PPM1L: variants seen among roughly 807,000 people sequenced by gnomAD.
PPM1L encodes the protein protein phosphatase 1L.
PPM1L carries 13 observed loss-of-function variants against 31.4 expected under a neutral mutation model. The observed-to-expected ratio is 0.41, with a 90% CI of 0.27 to 0.66. PPM1L has a LOEUF of 0.66. Ranked by LOEUF, PPM1L falls within the 30% of genes least tolerant of loss-of-function variation. The probability of loss-of-function intolerance (pLI) is 0.29; values close to 1 mark genes in which losing one functional copy is unlikely to be tolerated. For synonymous variants in PPM1L, 184 were observed against 175.4 expected (o/e 1.05, Z -0.39); for missense variants, 326 against 453.7 (o/e 0.72, Z 2.56).
intron 2 of PPM1L, among the ~76,000 whole-genome samples, chr3:161,058,041 T>C (rs747076126): frequency 1.3e-5 from 2 of 151,376 alleles, no homozygotes; most frequent in East Asian, 3.9e-4. Context: ...TGTTTTTGAG[T>C]TCCAGAGAGG....
chr3:160,803,862 TA>T (rs1476672633), intron 1 of PPM1L, among the ~76,000 whole-genome samples: 1 of 152,228 alleles, frequency 6.6e-6, no homozygotes, highest in Non-Finnish European at 1.5e-5. Context: ...ATTTAATCTT[TA>T]AAAACTGAGA....
chr3:160,993,227 T>A (rs192940469), intron 2 of PPM1L, among the ~76,000 whole-genome samples: 2 of 152,284 alleles, frequency 1.3e-5, no homozygotes, highest in Admixed American at 6.5e-5. Flanking sequence ...AATGAATATC[T>A]AACAAAAAAC....
Position 160,878,131 on chromosome 3 carries a change from C to A in PPM1L, c.400-83605C>A, listed in dbSNP as rs946116516. On this transcript the variant is annotated intron_variant, in intron 1 of 3. Transcript: ENST00000498165. ...AACTCCTATAATCACCATCTCCACC[C>A]TGCAGGCCATCACACATTGGCCCAG... 3.3e-5 allele frequency among the ~76,000 whole-genome samples: 5 copies of A among 152,204 alleles called. No individual in the cohort carries two copies. In the South Asian group the frequency reaches 1.0e-3, roughly 31 times the overall value.
chr3:160,809,317 T>TA (rs911655281), intron 1 of PPM1L, among the ~76,000 whole-genome samples: 24 of 151,908 alleles, frequency 1.6e-4, no homozygotes, highest in East Asian at 5.8e-4. Flanking sequence ...GGCTCTGAAG[T>TA]AAAAAAAATT....
chr3:161,062,688 T>G (rs1470674079), intron 2 of PPM1L, among the ~76,000 whole-genome samples: 2 of 152,348 alleles, frequency 1.3e-5, no homozygotes, highest in African/African-American at 4.8e-5. Flanking sequence ...TCCTTCTCCC[T>G]TTTTTAAAAA....
intron 1 of PPM1L, among the ~76,000 whole-genome samples, chr3:160,953,073 A>C (rs1715624526): frequency 6.6e-6 from 1 of 152,318 alleles, no homozygotes; most frequent in Non-Finnish European, 1.5e-5. Context: ...TTTTCTTCTT[A>C]AGATGCATGT....
intron 1 of PPM1L, among the ~76,000 whole-genome samples, chr3:160,885,214 T>A (rs1488076811): frequency 6.6e-6 from 1 of 152,238 alleles, no homozygotes; most frequent in South Asian, 2.1e-4. Context: ...ACTCTCTAAA[T>A]CCCTAATTGC....
In PPM1L at chr3:160,961,960, A is replaced by G. The variant is rs772741313; in HGVS notation, c.574+50A>G. On this transcript the variant is annotated intron_variant, in intron 2 of 3. Transcript: ENST00000498165. The stretch of plus-strand genomic sequence containing the variant: ...TTTTTTTTCCTTGCAAAAAAAATTC[A>G]TTATAAACCTTGATTAAACTTGGTA... 9 of 1,418,728 alleles carry G rather than the reference A, an allele frequency of 6.3e-6. 2 individuals are homozygous for G. In the South Asian group the frequency reaches 1.0e-4, roughly 16 times the overall value. The allele number at this position is 1,418,728 out of a possible 1,614,324, so 87.9% of individuals were successfully genotyped here. A position where few individuals can be genotyped will look rare whatever the true frequency, so the allele number is the denominator to read the frequency against.
chr3:160,968,409 T>A (rs993143751), intron 2 of PPM1L, among the ~76,000 whole-genome samples: 3 of 152,194 alleles, frequency 2.0e-5, no homozygotes, highest in African/African-American at 7.2e-5. Flanking sequence ...GAGATCAAAA[T>A]AGCATTTTAC....
chr3:160,851,909 TA>T (rs1711538651), intron 1 of PPM1L, among the ~76,000 whole-genome samples: 1 of 152,198 alleles, frequency 6.6e-6, no homozygotes, highest in Non-Finnish European at 1.5e-5. Context: ...TTGCTCTTCA[TA>T]GGAAATGAGT....
chr3:160,866,734 AT>A (rs1391757374), intron 1 of PPM1L, among the ~76,000 whole-genome samples: 1 of 152,226 alleles, frequency 6.6e-6, no homozygotes, highest in African/African-American at 2.4e-5. Flanking sequence ...TAGATGCTTT[AT>A]TTATGAAATA....
chr3:160,846,274 CAT>C (rs1351710816), intron 1 of PPM1L, among the ~76,000 whole-genome samples: 2 of 152,038 alleles, frequency 1.3e-5, no homozygotes, highest in Non-Finnish European at 2.9e-5. Context: ...AGTTGGTGGA[CAT>C]GTGGTGAAGT....
At chr3:161,067,700 T>C (rs767045614) in intron 3 of PPM1L, among the ~76,000 whole-genome samples, 1 of 152,250 alleles carries the variant, frequency 6.6e-6, no homozygotes, top group East Asian at 1.9e-4. Context: ...AGCTAGTGAA[T>C]GGTGAGACCA....
intron 2 of PPM1L, among the ~76,000 whole-genome samples, chr3:161,003,858 C>G (rs976091839): frequency 6.6e-6 from 1 of 150,892 alleles, no homozygotes; most frequent in African/African-American, 2.4e-5. Flanking sequence ...TTGCCCTGGC[C>G]AGAACTTCCA....
intron 1 of PPM1L, among the ~76,000 whole-genome samples, chr3:160,824,906 C>T (rs541885698): frequency 6.6e-6 from 1 of 151,938 alleles, no homozygotes; most frequent in Non-Finnish European, 1.5e-5. Flanking sequence ...ATTTTATTTC[C>T]TTCAGCTTAG....
chr3:160,861,212 C>T (rs1377081827), intron 1 of PPM1L, among the ~76,000 whole-genome samples: 1 of 152,110 alleles, frequency 6.6e-6, no homozygotes, highest in African/African-American at 2.4e-5. Flanking sequence ...GGCATTAACC[C>T]AAAGAGTACA....
intron 1 of PPM1L, among the ~76,000 whole-genome samples, chr3:160,758,017 A>G (rs1414950855): frequency 2.0e-5 from 3 of 152,236 alleles, no homozygotes; most frequent in Non-Finnish European, 4.4e-5. Context: ...ACCTTGTAGA[A>G]CCAACTTTGC....
chr3:160,978,302 C>A (rs778709858), intron 2 of PPM1L, among the ~76,000 whole-genome samples: 1 of 152,114 alleles, frequency 6.6e-6, no homozygotes, highest in Non-Finnish European at 1.5e-5. Context: ...GCATCCCATG[C>A]CTTGGCATCA....
At chr3:160,848,259 T>G (rs1013902199) in intron 1 of PPM1L, among the ~76,000 whole-genome samples, 6 of 152,174 alleles carry the variant, frequency 3.9e-5, no homozygotes, top group African/African-American at 1.4e-4. Context: ...AATAAATGGT[T>G]TTCTCATATA....
Sources: gnomAD v4.1 joint callset for allele counts (sites outside exome capture counted in the v4.1 genomes callset) on GRCh38, gnomAD v4.1.1 for gene constraint, MANE v1.5 for transcripts, NCBI Gene and HGNC (gene_info 2026-07-23, HGNC 2026-07-21) for gene names.